MLIP: variants seen among roughly 807,000 people sequenced by gnomAD.
The protein encoded by MLIP is muscular LMNA-interacting protein.
Under a neutral mutation model 84.8 loss-of-function variants are expected in MLIP, and 79 were observed. The observed-to-expected ratio is 0.93, with a 90% confidence interval of 0.78 to 1.12. MLIP has a LOEUF of 1.12. MLIP is among the 50% of genes most tolerant of loss of function. MLIP has a pLI of 0.00. For missense variants in MLIP, 1,257 were observed against 1,160.6 expected, an observed-to-expected ratio of 1.08 and a Z score of -1.21; for synonymous variants, 504 against 463.0, an observed-to-expected ratio of 1.09 and a Z score of -1.14.
chr6:54,162,398 G>C (rs1052402991), intron 8 of MLIP, among the ~76,000 whole-genome samples: 1 of 152,052 alleles, frequency 6.6e-6, no homozygotes, highest in Non-Finnish European at 1.5e-5. Context: ...ATGATGTTGA[G>C]AAACTGGGTT....
At chr6:54,040,164 A>G (rs1008029680) in intron 1 of MLIP, among the ~76,000 whole-genome samples, 1 of 151,988 alleles carries the variant, frequency 6.6e-6, no homozygotes, top group African/African-American at 2.4e-5. Flanking sequence ...AGCATCTACC[A>G]TGTGTCAGAT....
intron 11 of MLIP, among the ~76,000 whole-genome samples, chr6:54,205,037 C>A (rs1403176732): frequency 6.6e-6 from 1 of 152,118 alleles, no homozygotes; most frequent in Non-Finnish European, 1.5e-5. Context: ...TAAGATAGAA[C>A]CTTGGGACCA....
intron 1 of MLIP, chr6:54,031,553 CT>C (rs1764142911): frequency 8.2e-6 from 1 of 122,250 alleles, no homozygotes; most frequent in South Asian, 3.2e-4. Context: ...TGTGCATGCG[CT>C]TTATCCGATT....
chr6:54,149,960 T>C (rs1054467281), intron 5 of MLIP, among the ~76,000 whole-genome samples: 1 of 152,150 alleles, frequency 6.6e-6, no homozygotes, highest in African/African-American at 2.4e-5. Context: ...TGATTATGTA[T>C]TTAGTCAATT....
chr6:54,189,620 C>T (rs116641042), intron 9 of MLIP, among the ~76,000 whole-genome samples: 484 of 152,060 alleles, frequency 3.2e-3, no homozygotes, highest in Non-Finnish European at 5.5e-3. Flanking sequence ...GAAAGAAAAG[C>T]AGCATATAAA....
chr6:54,022,284 T>C (rs1019584774), intron 1 of MLIP, among the ~76,000 whole-genome samples: 4 of 152,206 alleles, frequency 2.6e-5, no homozygotes. Context: ...ACTCTGGAGG[T>C]TAATCCAGTG....
intron 1 of MLIP, among the ~76,000 whole-genome samples, chr6:54,045,177 A>G (rs1299848037): frequency 6.6e-6 from 1 of 151,842 alleles, no homozygotes; most frequent in East Asian, 1.9e-4. Context: ...GACGAAACCT[A>G]TCTCTACTAA....
chr6:54,217,085 C>T, intron 11 of MLIP: 5 of 985,272 alleles, frequency 5.1e-6, no homozygotes, highest in Non-Finnish European at 6.0e-6. Flanking sequence ...TGTTGCTTTA[C>T]CAAAGAGGTG....
chr6:54,111,284 A>T, upstream of MLIP: 2 of 909,238 alleles, frequency 2.2e-6, no homozygotes, highest in Non-Finnish European at 3.1e-6. Flanking sequence ...GACCTCTCAT[A>T]ATGTTCCAAA....
intron 5 of MLIP, among the ~76,000 whole-genome samples, chr6:54,159,580 G>A (rs913466936): frequency 3.9e-5 from 6 of 151,972 alleles, no homozygotes; most frequent in Non-Finnish European, 8.8e-5. Flanking sequence ...TTCACCTTAC[G>A]GGTAGTCCCT....
At chr6:54,108,605 C>T (rs1419929715), upstream of MLIP, among the ~76,000 whole-genome samples, 3 of 152,010 alleles carry the variant, frequency 2.0e-5, no homozygotes, top group Admixed American at 6.6e-5. Flanking sequence ...TAGTCTATAA[C>T]AGCAATTATT....
At chr6:54,231,468 C>T (rs1008690833) in intron 12 of MLIP, among the ~76,000 whole-genome samples, 3 of 80,868 alleles carry the variant, frequency 3.7e-5, no homozygotes, top group Admixed American at 1.4e-4. Flanking sequence ...TGTGTGTGTG[C>T]GTGTGTGTGC....
At chr6:54,193,714 A>C (rs979986082) in intron 10 of MLIP, among the ~76,000 whole-genome samples, 13 of 152,128 alleles carry the variant, frequency 8.5e-5, no homozygotes, top group African/African-American at 3.1e-4. Flanking sequence ...GGGTAGGGTC[A>C]GTTAGAGTAC....
At chr6:54,071,111 A>G (rs925470534) in intron 1 of MLIP, among the ~76,000 whole-genome samples, 5 of 152,116 alleles carry the variant, frequency 3.3e-5, no homozygotes, top group African/African-American at 9.7e-5. Context: ...TCTCATAGGT[A>G]TTTGCATTTT....
In MLIP at chr6:54,240,463, T is replaced by G. The variant is rs180811512; in HGVS notation, c.2922+9546T>G. Reference sequence around the variant, plus strand: ...CAGAGAAATATTCTAAACTATGTGATGTGTATGTTTGTGCATTTTCTTTCA... The same window carrying G: ...CAGAGAAATATTCTAAACTATGTGAGGTGTATGTTTGTGCATTTTCTTTCA... On this transcript the variant is annotated intron_variant, in intron 12 of 13. Coordinates refer to ENST00000502396, the MANE Select transcript of MLIP (RefSeq NM_001281747.2). Among the ~76,000 whole-genome samples the G allele has an allele frequency of 4.6e-3, 703 of 152,350 alleles. 5 individuals are homozygous for G. The highest frequency in any genetic ancestry group is 0.016 in the African/African-American group (656 of 41,592).
At chr6:54,115,313 T>C (rs953760129) in intron 1 of MLIP, among the ~76,000 whole-genome samples, 1 of 152,128 alleles carries the variant, frequency 6.6e-6, no homozygotes, top group African/African-American at 2.4e-5. Flanking sequence ...ATTTGAGGGG[T>C]ATCCAAAAGA....
intron 4 of MLIP, among the ~76,000 whole-genome samples, chr6:54,148,702 G>A (rs977903712): frequency 2.0e-5 from 3 of 152,100 alleles, no homozygotes; most frequent in Admixed American, 6.6e-5. Flanking sequence ...TGAGGATCAA[G>A]CAGAGCCATC....
chr6:54,161,975 G>C (rs371396489), intron 8 of MLIP, among the ~76,000 whole-genome samples: 1 of 151,850 alleles, frequency 6.6e-6, no homozygotes, highest in South Asian at 2.1e-4. Flanking sequence ...TAGGATTTAA[G>C]AAGTTGTATA....
chr6:54,025,628 C>T (rs1257149273), intron 1 of MLIP, among the ~76,000 whole-genome samples: 1 of 152,094 alleles, frequency 6.6e-6, no homozygotes, highest in Non-Finnish European at 1.5e-5. Flanking sequence ...GTAGCAATGA[C>T]TCTTGCTGTG....
Sources: gnomAD v4.1 joint callset for allele counts (sites outside exome capture counted in the v4.1 genomes callset) on GRCh38, gnomAD v4.1.1 for gene constraint, MANE v1.5 for transcripts, NCBI Gene and HGNC (gene_info 2026-07-23, HGNC 2026-07-21) for gene names.